The following ZDHHC14 variants were observed in gnomAD, a reference collection of about 807,000 sequenced individuals.
The protein encoded by ZDHHC14 is palmitoyltransferase ZDHHC14.
A neutral mutation model predicts 47.7 loss-of-function variants in ZDHHC14; 16 were observed. The observed-to-expected ratio is 0.34, with a 90% confidence interval of 0.23 to 0.51. ZDHHC14 has a LOEUF of 0.51. Ranked by LOEUF, ZDHHC14 falls within the 20% of genes least tolerant of loss-of-function variation. ZDHHC14 has a pLI of 0.97. For synonymous variants in ZDHHC14, 293 were observed against 278.9 expected, an observed-to-expected ratio of 1.05 and a Z score of -0.50; for missense variants, 515 against 662.5, an observed-to-expected ratio of 0.78 and a Z score of 2.44.
At chr6:157,482,411 C>A (rs968209517) in intron 1 of ZDHHC14, among the ~76,000 whole-genome samples, 10 of 151,204 alleles carry the variant, frequency 6.6e-5, no homozygotes, top group African/African-American at 2.4e-4. Context: ...GTGCCATCAT[C>A]CTTGGCTAAT....
intron 8 of ZDHHC14, among the ~76,000 whole-genome samples, chr6:157,667,983 C>A (rs1015649350): frequency 2.0e-5 from 3 of 152,208 alleles, no homozygotes; most frequent in Admixed American, 6.5e-5. Context: ...TCTGAGCCAA[C>A]AGGAGATTTA....
At chr6:157,651,113 C>T (rs1023840768) in intron 7 of ZDHHC14, among the ~76,000 whole-genome samples, 3 of 152,244 alleles carry the variant, frequency 2.0e-5, no homozygotes, top group African/African-American at 7.2e-5. Flanking sequence ...TAGGGCACTG[C>T]AGTCCAACAA....
chr6:157,518,559 C>A (rs148290126), intron 1 of ZDHHC14, among the ~76,000 whole-genome samples: 1,673 of 152,236 alleles, frequency 0.011, 17 homozygotes, highest in Non-Finnish European at 0.018. Flanking sequence ...AGTGTACTGG[C>A]CTCTGTCTGT....
chr6:157,540,670 G>C (rs996211022), intron 1 of ZDHHC14, among the ~76,000 whole-genome samples: 5 of 152,000 alleles, frequency 3.3e-5, no homozygotes, highest in African/African-American at 1.2e-4. Context: ...CATTAATCTT[G>C]AGAAGGGGGA....
At chr6:157,672,624 A>ACG in intron 8 of ZDHHC14, 100 bp from the exon 9 acceptor site, 18 of 273,144 alleles carry the variant, frequency 6.6e-5, no homozygotes, top group Middle Eastern at 1.1e-3. Context: ...CTCTTCTCGC[A>ACG]CCCCACCCTC....
rs148009061 is a variant in ZDHHC14, at chr6:157,390,545, C to G, written c.245+8279C>G. 4.4e-3 allele frequency among the ~76,000 whole-genome samples: 674 copies of G among 152,014 alleles called. 3 individuals are homozygous for G. The highest frequency in any genetic ancestry group is 7.0e-3 in the Non-Finnish European group (476 of 67,980). On this transcript the variant is annotated intron_variant, in intron 1 of 8. Transcript: ENST00000359775. ...ATATATGACATCATTTTATATAGTC[C>G]CATACTTTTTAGATACTTTATTCCA...
intron 5 of ZDHHC14, among the ~76,000 whole-genome samples, chr6:157,643,302 C>T (rs565441912): frequency 5.9e-5 from 9 of 152,292 alleles, no homozygotes; most frequent in Admixed American, 2.6e-4. Flanking sequence ...TTTGACACAG[C>T]TGCAAGCTGA....
intron 1 of ZDHHC14, among the ~76,000 whole-genome samples, chr6:157,499,512 A>G (rs1003000592): frequency 6.8e-6 from 1 of 147,130 alleles, no homozygotes; most frequent in Non-Finnish European, 1.5e-5. Context: ...ATTGGAAGTT[A>G]GGGTTTCAAC....
intron 3 of ZDHHC14, among the ~76,000 whole-genome samples, chr6:157,623,341 C>T (rs1414491851): frequency 1.3e-5 from 2 of 152,060 alleles, no homozygotes; most frequent in African/African-American, 4.8e-5. Flanking sequence ...AGGGACTTCC[C>T]CCTTCACTTG....
At chr6:157,616,468 C>T (rs894169087) in intron 3 of ZDHHC14, among the ~76,000 whole-genome samples, 1 of 152,130 alleles carries the variant, frequency 6.6e-6, no homozygotes, top group Non-Finnish European at 1.5e-5. Flanking sequence ...GGGGTCAGCT[C>T]ACCCCAGGGA....
intron 1 of ZDHHC14, among the ~76,000 whole-genome samples, chr6:157,509,516 G>T (rs35677769): frequency 2.6e-5 from 4 of 152,068 alleles, no homozygotes; most frequent in Admixed American, 2.6e-4. Flanking sequence ...ACTTTCCAAG[G>T]TCAGTTAGTA....
intron 1 of ZDHHC14, among the ~76,000 whole-genome samples, chr6:157,452,685 T>C (rs1418591211): frequency 7.1e-6 from 1 of 141,818 alleles, no homozygotes; most frequent in Non-Finnish European, 1.5e-5. Flanking sequence ...CACTAATACA[T>C]GGGGATTTTT....
chr6:157,453,709 A>C (rs1778851605), intron 1 of ZDHHC14, among the ~76,000 whole-genome samples: 1 of 152,040 alleles, frequency 6.6e-6, no homozygotes, highest in Admixed American at 6.6e-5. Context: ...CTTTCCTTTG[A>C]AGACCAGATG....
chr6:157,634,461 TC>T (rs948011577), intron 5 of ZDHHC14, among the ~76,000 whole-genome samples: 1 of 152,082 alleles, frequency 6.6e-6, no homozygotes, highest in Non-Finnish European at 1.5e-5. Flanking sequence ...AGGGGTGACA[TC>T]CCCCCACTAT....
At chr6:157,621,692 T>A (rs767546659) in intron 3 of ZDHHC14, among the ~76,000 whole-genome samples, 165 of 152,350 alleles carry the variant, frequency 1.1e-3, no homozygotes, top group Admixed American at 4.6e-3. Flanking sequence ...ACCCGACTTC[T>A]GGGAGAGTTC....
In ZDHHC14 at chr6:157,546,252, A is replaced by G. The variant is rs375386970; in HGVS notation, c.406+3507A>G. Among the ~76,000 whole-genome samples the G allele has an allele frequency of 7.9e-5, 12 of 152,376 alleles. No homozygotes were observed. The South Asian group carries it at 2.1e-3, about 26-fold the overall frequency. On this transcript the variant is annotated intron_variant, in intron 2 of 8. Transcript: ENST00000359775. ...GGCTTTGGAAGATAAGGTTGTTTCA[A>G]TGAAATCTTAACACATTTATGTTGT...
At chr6:157,526,015 C>A (rs1781140816) in intron 1 of ZDHHC14, among the ~76,000 whole-genome samples, 1 of 152,196 alleles carries the variant, frequency 6.6e-6, no homozygotes, top group South Asian at 2.1e-4. Context: ...GAACTCTGAA[C>A]CAAACACAGA....
At chr6:157,615,277 A>G (rs1397676801) in intron 3 of ZDHHC14, among the ~76,000 whole-genome samples, 2 of 152,238 alleles carry the variant, frequency 1.3e-5, no homozygotes, top group African/African-American at 4.8e-5. Flanking sequence ...AAAACAGCAC[A>G]CTGTATTTAG....
chr6:157,593,122 T>C lies in ZDHHC14; in HGVS notation c.541T>C (p.Cys181Arg). The change falls in exon 3 of 9, where the codon TGC (cysteine) becomes CGC (arginine). Residue 181 changes from cysteine to arginine, a missense_variant. Around this residue, in one of 4 missense-constraint regions of ZDHHC14, gnomAD observed 229 missense variants for 351.5 expected, o/e 0.65. Coordinates refer to ENST00000359775, the MANE Select transcript of ZDHHC14 (RefSeq NM_024630.3). Reference sequence around the variant, plus strand: ...TTTCCGGCCCCCTCGCGCCTCCCATTGCAGCCTTTGTGATAACTGCGTAGG... The same window carrying C: ...TTTCCGGCCCCCTCGCGCCTCCCATCGCAGCCTTTGTGATAACTGCGTAGG... ...KIFRPPRASH[C>R]SLCDNCVERF... 1 of 1,613,594 alleles carries C rather than the reference T, an allele frequency of 6.2e-7. No individual in the cohort carries two copies. Among genetic ancestry groups the C allele is most frequent in the Non-Finnish European group, 8.5e-7 (1 of 1,179,694 alleles).
Sources: gnomAD v4.1 joint callset for allele counts (sites outside exome capture counted in the v4.1 genomes callset) on GRCh38, gnomAD v4.1.1 for gene constraint, gnomAD v4.1.1 regional missense constraint, MANE v1.5 for transcripts, NCBI Gene and HGNC (gene_info 2026-07-23, HGNC 2026-07-21) for gene names.